The following NCL variants were observed in gnomAD, a reference collection of about 807,000 sequenced individuals.
NCL encodes nucleolin multifunctional protein.
In NCL, 4 loss-of-function variants were observed where a neutral mutation model predicts 77.7. The observed-to-expected ratio is 0.05, with a 90% CI of 0.03 to 0.12. The LOEUF (loss-of-function observed/expected upper bound fraction) is 0.12, where lower values mean the gene tolerates loss of function less well. Among genes scored for constraint, NCL ranks in the 10% least tolerant of loss-of-function variants. The pLI is 1.00. For missense variants in NCL, 763 were observed against 860.9 expected (o/e 0.89, Z 1.42); for synonymous variants, 344 against 297.8 (o/e 1.16, Z -1.60).
intron 1 of NCL, chr2:231,464,123 G>C: frequency 7.3e-7 from 1 of 1,371,610 alleles, no homozygotes; most frequent in Non-Finnish European, 9.5e-7. Context: ...CTTTCCCGCC[G>C]CGTTCGCCGC....
At chr2:231,463,987 G>T in intron 1 of NCL, 1 of 541,718 alleles carries the variant, frequency 1.8e-6, no homozygotes, top group Non-Finnish European at 2.6e-6. Context: ...CGCGGCCCAC[G>T]TGGCAGGCCG....
chr2:231,461,072 A>C (rs753909604), intron 3 of NCL, among the ~76,000 whole-genome samples: 8 of 152,138 alleles, frequency 5.3e-5, no homozygotes, highest in Non-Finnish European at 1.0e-4. Flanking sequence ...TGAGGTCAAA[A>C]GTTCGAGACC....
At chr2:231,456,912 T>G in intron 10 of NCL, 89 bp downstream of exon 10, 1 of 1,566,346 alleles carries the variant, frequency 6.4e-7, no homozygotes, top group Non-Finnish European at 8.6e-7. Context: ...ATTATTTGGC[T>G]TTTCTGACAG....
chr2:231,457,656 A>C lies in NCL; in HGVS notation c.1434T>G (p.Asn478Lys). Residue 478 changes from asparagine to lysine, a missense_variant, in exon 9 of 14, where the codon AAT becomes AAG. Asn to Lys is a moderately conservative substitution (Grantham distance 94, BLOSUM62 0). Transcript: ENST00000322723. ...CTAATTTCTTACCACTCCAAGTGCTATTCTTTCCACCTCTATAGTCTTGAT... is the reference window on the plus strand; with the variant it reads ...CTAATTTCTTACCACTCCAAGTGCTCTTCTTTCCACCTCTATAGTCTTGAT... ...GQNQDYRGGK[N>K]STWSGESKTL... The C allele has an allele frequency of 6.2e-7, 1 of 1,601,044 alleles. No individual in the cohort carries two copies. Among genetic ancestry groups the C allele is most frequent in the Middle Eastern group, 1.7e-4 (1 of 6,018 alleles).
At chr2:231,462,212 G>A in intron 2 of NCL, 195 bp from the exon 3 acceptor site, 1 of 745,884 alleles carries the variant, frequency 1.3e-6, no homozygotes, top group Non-Finnish European at 2.3e-6. Context: ...TGAATACCCA[G>A]ACATAAGGAA....
chr2:231,457,169 T>A (rs1337634444), intron 9 of NCL, 45 bp from the exon 10 acceptor site: 1 of 1,611,590 alleles, frequency 6.2e-7, no homozygotes, highest in Non-Finnish European at 8.5e-7. Context: ...AAACAGTGGT[T>A]CCCAGCTTCG....
rs771444396 is a variant in NCL at position 231,455,462 on chromosome 2, T to C, written c.1995A>G (p.Gly665=). The change falls in exon 13 of 14, where the codon GGA becomes GGG. Residue 665 remains glycine (G), a synonymous_variant. Coordinates refer to ENST00000322723, the MANE Select transcript of NCL (RefSeq NM_005381.3). ...GRGGGRGGFG[G]RGGGRGGRGG... ...CTCGGCCTCCTCTACCACCACCTCG[T>C]CCTCCAAAGCCGCCTCTGCCTCCAC... is the stretch of plus-strand genomic sequence containing the variant. 1.9e-6 allele frequency: 3 copies of C among 1,614,006 alleles called. No homozygotes were observed. The highest frequency in any genetic ancestry group is 1.7e-5 in the Admixed American group (1 of 59,982).
chr2:231,454,883 AAC>A lies in NCL; in HGVS notation c.*306_*307del, dbSNP rs1028572185. 76 of 254,458 alleles carry A rather than the reference AAC, an allele frequency of 3.0e-4. No individual in the cohort carries two copies. Among genetic ancestry groups the A allele is most frequent in the African/African-American group, 1.6e-3 (71 of 44,976 alleles). The allele number at this position is 254,458 out of a possible 1,614,324, so 15.8% of individuals were successfully genotyped here. On this transcript the variant is annotated 3_prime_UTR_variant, in exon 14 of 14. Transcript: ENST00000322723. ...AAACAAAAACAAAACAAAAAAAAGAAACAACAACAAAACCCAAACTATTTGTA... is the reference window on the plus strand; with the variant it reads ...AAACAAAAACAAAACAAAAAAAAGAAAACAACAAAACCCAAACTATTTGTA...
chr2:231,456,768 A>C lies in NCL; in HGVS notation c.1572-4T>G. 1 of 1,614,110 alleles carries C rather than the reference A, an allele frequency of 6.2e-7. No homozygotes were observed. The highest frequency in any genetic ancestry group is 8.5e-7 in the Non-Finnish European group (1 of 1,179,992). On this transcript the variant is annotated splice_polypyrimidine_tract_variant and splice_region_variant and intron_variant, in intron 10 of 13. Coordinates refer to ENST00000322723, the MANE Select transcript of NCL (RefSeq NM_005381.3). Reference sequence around the variant, plus strand: ...AGCAAACTCTATAAATGCATACCTGAGGATGAACAGTTAATGCTTAGAGTA... The same window carrying C: ...AGCAAACTCTATAAATGCATACCTGCGGATGAACAGTTAATGCTTAGAGTA...
At chr2:231,458,905 A>G (rs2046919759) in intron 7 of NCL, 96 bp downstream of exon 7, 3 of 1,318,872 alleles carry the variant, frequency 2.3e-6, no homozygotes, top group African/African-American at 3.0e-5. Flanking sequence ...ATGATTTAAA[A>G]AAATAAGAGG....
chr2:231,462,651 G>A (rs13004971), intron 2 of NCL: 37,981 of 466,868 alleles, frequency 0.081, 1,796 homozygotes, highest in Non-Finnish European at 0.1. Context: ...CGAGAAACCT[G>A]AGCACAATTC....
rs578258296 is a variant in NCL at position 231,453,798 on chromosome 2, A to T, written c.*1393T>A. ...GATTTCAACAGCCCAACTGAACCAG[A>T]GTAAACCCAAAGCAGCTACGTATTC... On this transcript the variant is annotated 3_prime_UTR_variant, in exon 14 of 14. Coordinates refer to ENST00000322723, the MANE Select transcript of NCL (RefSeq NM_005381.3). The T allele has an allele frequency of 6.6e-6, 1 of 152,454 alleles. No homozygotes were observed. Among genetic ancestry groups the T allele is most frequent in the Admixed American group, 6.5e-5 (1 of 15,310 alleles). 9.4% of individuals were successfully genotyped at this position (152,454 alleles called of 1,614,324 possible). A position where few individuals can be genotyped will look rare whatever the true frequency, so the allele number is the denominator to read the frequency against.
At position 231,454,998 on chromosome 2, in the gene NCL, A is replaced by T. The variant is rs1371308082; in HGVS notation, c.*193T>A. ...AGCTCTATCACTCAACTCTTTAAAA[A>T]GTTTATATGAATATCCAGTCAAAAC... On this transcript the variant is annotated 3_prime_UTR_variant, in exon 14 of 14. Coordinates refer to ENST00000322723, the MANE Select transcript of NCL (RefSeq NM_005381.3). 1.7e-6 allele frequency: 1 copy of T among 575,870 alleles called. No homozygotes were observed. The highest frequency in any genetic ancestry group is 1.9e-5 in the African/African-American group (1 of 53,854). The allele number at this position is 575,870 out of a possible 1,614,324, so 35.7% of individuals were successfully genotyped here.
chr2:231,455,657 A>G, intron 12 of NCL, 33 bp from the exon 13 acceptor site: 12 of 1,603,980 alleles, frequency 7.5e-6, no homozygotes, highest in African/African-American at 4.0e-5. Context: ...CCATTATAAA[A>G]AGCACCTACT....
Position 231,464,364 on chromosome 2 carries a change from G to A in NCL, c.-11C>T, listed in dbSNP as rs1338082723. On this transcript the variant is annotated 5_prime_UTR_variant, in exon 1 of 14. Transcript: ENST00000322723. ...CGCGAGCTTCACCATGATGGCGGCG[G>A]AGTGTGAAGCGGACAAGTGGCGCAG... The A allele has an allele frequency of 6.2e-7, 1 of 1,601,378 alleles. No individual in the cohort carries two copies. The highest frequency in any genetic ancestry group is 1.3e-5 in the African/African-American group (1 of 74,622).
intron 6 of NCL, 108 bp downstream of exon 6, chr2:231,460,044 G>T: frequency 8.1e-7 from 1 of 1,239,570 alleles, no homozygotes; most frequent in Non-Finnish European, 1.1e-6. Context: ...CCTTGAAGAT[G>T]TTTACAGTAT....
At chr2:231,462,049 T>G in intron 2 of NCL, 32 bp from the exon 3 acceptor site, 1 of 1,609,900 alleles carries the variant, frequency 6.2e-7, no homozygotes, top group Non-Finnish European at 8.5e-7. Context: ...AACCAGTAAG[T>G]CCAGCCCCAC....
At chr2:231,461,457 T>G in intron 3 of NCL, 83 bp downstream of exon 3, 1 of 1,543,222 alleles carries the variant, frequency 6.5e-7, no homozygotes, top group Non-Finnish European at 8.7e-7. Context: ...ATCTCCAGGT[T>G]GTCGTGGAAG....
At chr2:231,462,978 G>A (rs1272677706) in intron 2 of NCL, 5 of 517,490 alleles carry the variant, frequency 9.7e-6, no homozygotes, top group African/African-American at 1.9e-5. Context: ...GCCCTGCAGA[G>A]GAACATGTAA....
Sources: gnomAD v4.1 joint callset for allele counts (sites outside exome capture counted in the v4.1 genomes callset) on GRCh38, gnomAD v4.1.1 for gene constraint, MANE v1.5 for transcripts, NCBI Gene and HGNC (gene_info 2026-07-23, HGNC 2026-07-21) for gene names.